The following NRG1 variants were observed in gnomAD, a reference collection of about 807,000 sequenced individuals.
The protein encoded by NRG1 is pro-neuregulin-1, membrane-bound isoform.
NRG1 carries 18 observed loss-of-function variants against 63.8 expected under a neutral mutation model. The observed-to-expected ratio is 0.28, with a 90% confidence interval of 0.19 to 0.42. The LOEUF is 0.42. Among genes scored for constraint, NRG1 ranks in the 10% least tolerant of loss-of-function variants. The pLI is 1.00. For synonymous variants in NRG1, 302 were observed against 301.3 expected (o/e 1.00, Z -0.02); for missense variants, 762 against 814.7 (o/e 0.94, Z 0.79).
chr8:31,674,868 G>C (rs1322343713), intron 1 of NRG1, among the ~76,000 whole-genome samples: 1 of 152,138 alleles, frequency 6.6e-6, no homozygotes, highest in Non-Finnish European at 1.5e-5. Flanking sequence ...GGGGAATGTA[G>C]GTCTTTAATT....
intron 5 of NRG1, among the ~76,000 whole-genome samples, chr8:32,691,457 A>C (rs1811628926): frequency 6.6e-6 from 1 of 152,150 alleles, no homozygotes; most frequent in Non-Finnish European, 1.5e-5. Context: ...ACCACCCCAA[A>C]CATACCTATT....
At chr8:32,090,028 A>G (rs1054132818) in intron 1 of NRG1, among the ~76,000 whole-genome samples, 1 of 152,172 alleles carries the variant, frequency 6.6e-6, no homozygotes, top group Admixed American at 6.5e-5. Flanking sequence ...TTTCCTGACA[A>G]TTATGAGGAA....
chr8:32,754,175 G>T (rs1373586491), intron 7 of NRG1, among the ~76,000 whole-genome samples, 197 bp from the exon 8 acceptor site: 1 of 152,086 alleles, frequency 6.6e-6, no homozygotes, highest in Non-Finnish European at 1.5e-5. Context: ...GGCCCCAGCT[G>T]GCTTTTTTAT....
exon 12 of NRG1, chr8:32,763,976 C>T: frequency 6.2e-7 from 1 of 1,614,114 alleles, no homozygotes; most frequent in Non-Finnish European, 8.5e-7. Context: ...AGCAGTTCAG[C>T]TCCTTCCACC....
At chr8:32,108,702 A>C (rs995385149) in intron 1 of NRG1, among the ~76,000 whole-genome samples, 2 of 152,124 alleles carry the variant, frequency 1.3e-5, no homozygotes, top group Non-Finnish European at 2.9e-5. Flanking sequence ...AGAGTGACGT[A>C]ATGCGAACAG....
intron 1 of NRG1, among the ~76,000 whole-genome samples, chr8:32,164,108 T>C (rs1405442596): frequency 6.6e-6 from 1 of 152,162 alleles, no homozygotes; most frequent in African/African-American, 2.4e-5. Context: ...TTTTCATCCT[T>C]CTTTATGTTC....
Position 32,698,270 on chromosome 8 carries a change from A to G in NRG1, c.503-29679A>G, listed in dbSNP as rs75721935. Among the ~76,000 whole-genome samples the G allele has an allele frequency of 1.2e-3, 189 of 152,280 alleles. 4 individuals are homozygous for G. The East Asian group carries it at 0.034, about 28-fold the overall frequency. ...TGAGTAAGCATATAAGTAAAGGATA[A>G]GGAGAGAATTGCCTCTTTTCTGTCG... is the stretch of plus-strand genomic sequence containing the variant. On this transcript the variant is annotated intron_variant, in intron 5 of 11. Coordinates refer to ENST00000356819, the Ensembl canonical transcript of NRG1.
At chr8:32,759,407 C>T in exon 10 of NRG1, 1 of 1,613,862 alleles carries the variant, frequency 6.2e-7, no homozygotes, top group Non-Finnish European at 8.5e-7. Context: ...CCCATCACTC[C>T]ACTACTGTCA....
At position 31,921,929 on chromosome 8, in the gene NRG1, T is replaced by A. The variant is rs559901208; in HGVS notation, c.37+282498T>A. 1.2e-4 allele frequency among the ~76,000 whole-genome samples: 18 copies of A among 152,318 alleles called. No homozygotes were observed. The South Asian group carries it at 3.7e-3, about 32-fold the overall frequency. ...GTTAATTTTCTTAATTTAAAAAATTTTTTTAATTCTATGAAGGAAAAGAAA... is the reference window on the plus strand; with the variant it reads ...GTTAATTTTCTTAATTTAAAAAATTATTTTAATTCTATGAAGGAAAAGAAA... On this transcript the variant is annotated intron_variant, in intron 1 of 10. Transcript: ENST00000519301.
At chr8:32,186,408 C>A (rs1044538364) in intron 1 of NRG1, among the ~76,000 whole-genome samples, 1 of 150,318 alleles carries the variant, frequency 6.7e-6, no homozygotes, top group African/African-American at 2.5e-5. Context: ...TTGCAGTAAG[C>A]CGAGATGGCG....
At chr8:31,748,199 G>T (rs893812770) in intron 1 of NRG1, among the ~76,000 whole-genome samples, 2 of 151,882 alleles carry the variant, frequency 1.3e-5, no homozygotes, top group African/African-American at 4.8e-5. Flanking sequence ...TAGATGAAAT[G>T]TTTTTCTCCA....
chr8:31,719,738 T>C (rs1812712028), intron 1 of NRG1, among the ~76,000 whole-genome samples: 1 of 152,164 alleles, frequency 6.6e-6, no homozygotes. Flanking sequence ...TGCTTGAGGA[T>C]GAGCCATAGT....
chr8:32,773,938 G>A (rs547208024), intron 7 of NRG1, among the ~76,000 whole-genome samples: 47 of 152,174 alleles, frequency 3.1e-4, no homozygotes, highest in African/African-American at 8.4e-4. Context: ...ATTGGCCTAC[G>A]AACTTTATGA....
intron 1 of NRG1, among the ~76,000 whole-genome samples, chr8:31,917,467 T>C (rs936427303): frequency 2.5e-4 from 37 of 150,938 alleles, no homozygotes; most frequent in Non-Finnish European, 4.7e-4. Flanking sequence ...TAGGGAATCC[T>C]TTCCCCATTG....
intron 1 of NRG1, among the ~76,000 whole-genome samples, chr8:32,356,304 CTGTGTAGTCAACATTATGATCAGGCTATA>C (rs1806380866): frequency 6.6e-6 from 1 of 152,196 alleles, no homozygotes; most frequent in Non-Finnish European, 1.5e-5. Flanking sequence ...TAGACATCGA[CTGTGTAGTCAACATTATGATCAGGCTATA>C]TAAAATCATG....
In NRG1 at chr8:31,643,719, A is replaced by G. The variant is rs114469870; in HGVS notation, c.37+4288A>G. On this transcript the variant is annotated intron_variant, in intron 1 of 10. Coordinates refer to the NRG1 transcript ENST00000519301. ...AGAAATATCCTTGGGTTTTATGTTC[A>G]TTGGAATGCAGGATAATTTGCTGTC... Among the ~76,000 whole-genome samples, 433 of 152,310 alleles carry G rather than the reference A, an allele frequency of 2.8e-3. 4 individuals carry two copies. Among genetic ancestry groups the G allele is most frequent in the African/African-American group, 1.0e-2 (415 of 41,576 alleles).
At chr8:32,610,809 G>A (rs973716378) in intron 3 of NRG1, among the ~76,000 whole-genome samples, 1 of 152,048 alleles carries the variant, frequency 6.6e-6, no homozygotes, top group African/African-American at 2.4e-5. Context: ...AAGACCAGTT[G>A]GGTTTTCATA....
At chr8:32,567,432 T>C (rs1837660927) in intron 1 of NRG1, among the ~76,000 whole-genome samples, 2 of 152,200 alleles carry the variant, frequency 1.3e-5, no homozygotes, top group South Asian at 4.1e-4. Context: ...AAAAATTAGA[T>C]TAAAAAAGAA....
chr8:32,514,106 C>A (rs1241352481), intron 1 of NRG1, among the ~76,000 whole-genome samples: 3 of 152,128 alleles, frequency 2.0e-5, no homozygotes, highest in African/African-American at 7.2e-5. Flanking sequence ...CACTTCTTTG[C>A]CAAGACTTGT....
Sources: allele counts gnomAD v4.1 joint callset (sites outside exome capture counted in the v4.1 genomes callset), GRCh38; gene constraint gnomAD v4.1.1; transcripts MANE v1.5; gene names NCBI Gene and HGNC (gene_info 2026-07-23, HGNC 2026-07-21).